Variants in SEC24C observed in about 807,000 individuals in gnomAD.
SEC24C encodes SEC24 homolog C, COPII component, also known as protein transport protein Sec24C.
A neutral mutation model predicts 117.0 loss-of-function variants in SEC24C; 22 were observed. That is an observed-to-expected ratio of 0.19 (90% CI 0.13 to 0.27). The LOEUF (loss-of-function observed/expected upper bound fraction) is 0.27. Ranked by LOEUF, SEC24C falls within the 10% of genes least tolerant of loss-of-function variation. The pLI is 1.00. For synonymous variants in SEC24C, 506 were observed against 529.4 expected (o/e 0.96, Z 0.61); for missense variants, 1,155 against 1,375.1 (o/e 0.84, Z 2.53).
rs1199724190 is a variant in SEC24C at position 73,769,308 on chromosome 10, A to C, written c.2425-39A>C. 4 of 1,609,718 alleles carry C rather than the reference A, an allele frequency of 2.5e-6. No individual in the cohort carries two copies. The highest frequency in any genetic ancestry group is 3.4e-6 in the Non-Finnish European group (4 of 1,177,896). On this transcript the variant is annotated intron_variant, in intron 17 of 22. Coordinates refer to ENST00000345254, the MANE Select transcript of SEC24C (RefSeq NM_198597.3). This position sits in a 1 kb window ranked among gnomAD's most constrained non-coding sequence, Gnocchi z 4.5. ...AATAGTGTAGCAAAGGGCCTTTGTG[A>C]GGGAGGGGTGTGAGTTCCCCCTTTC...
intron 3 of SEC24C, among the ~76,000 whole-genome samples, chr10:73,758,870 T>A (rs2082752128): frequency 6.6e-6 from 1 of 152,066 alleles, no homozygotes; most frequent in African/African-American, 2.4e-5. Context: ...TGTGTGTGTG[T>A]GTGAGATGTT....
intron 2 of SEC24C, 76 bp downstream of exon 2, chr10:73,747,080 A>G (rs1352053733): frequency 2.2e-6 from 3 of 1,357,316 alleles, no homozygotes; most frequent in East Asian, 2.6e-5. Flanking sequence ...GTATTGCTCT[A>G]GCTAAGCTAC....
At position 73,751,239 on chromosome 10, in the gene SEC24C, C is replaced by G. The variant is rs756009610; in HGVS notation, c.304C>G (p.Gln102Glu). Reference protein sequence around the residue: ...QNGPSSTVQMQRLPGSQPFGS... With the variant: ...QNGPSSTVQMERLPGSQPFGS... ...TGGGCCAAGCTCCACTGTTCAGATG[C>G]AAAGGTAGGTACTTGGTCAATCTAA... The change falls in exon 3 of 23, where the codon CAA becomes GAA. Residue 102 changes from glutamine to glutamate, a missense_variant. Around this residue, in one of 2 missense-constraint regions of SEC24C, gnomAD observed 396 missense variants for 382.8 expected, o/e 1.03. Transcript: ENST00000345254. 4.3e-6 allele frequency: 7 copies of G among 1,613,442 alleles called. No homozygotes were observed. The Admixed American group carries it at 8.3e-5, about 19-fold the overall frequency.
At chr10:73,767,768 TAC>T in intron 14 of SEC24C, 67 bp from the exon 15 acceptor site, 3 of 1,242,622 alleles carry the variant, frequency 2.4e-6, no homozygotes, top group South Asian at 3.3e-5. Context: ...ATGCTAGATA[TAC>T]AGTTTTCAAA....
Position 73,768,877 on chromosome 10 carries a change from A to G in SEC24C, c.2249A>G (p.Asp750Gly), listed in dbSNP as rs1170070241. 2 of 1,613,988 alleles carry G rather than the reference A, an allele frequency of 1.2e-6. No individual in the cohort carries two copies. Among genetic ancestry groups the G allele is most frequent in the East Asian group, 2.2e-5 (1 of 44,892 alleles). Residue 750 changes from aspartate to glycine, a missense_variant, in exon 16 of 23, where the codon GAT (aspartate) becomes GGT (glycine). Transcript: ENST00000345254. ...RRDVQKVVGF[D>G]AVMRVRTSTG... ...GATGTCCAGAAGGTTGTTGGCTTTG[A>G]TGCTGTGATGCGGGTCCGGACAAGC...
Position 73,751,112 on chromosome 10 carries a change from G to A in SEC24C, c.177G>A (p.Met59Ile), listed in dbSNP as rs199528020. The change falls in exon 3 of 23, where the codon ATG becomes ATA. Residue 59 changes from methionine to isoleucine, a missense_variant. Around this residue, in one of 2 missense-constraint regions of SEC24C, gnomAD observed 396 missense variants for 382.8 expected, o/e 1.03. Coordinates refer to ENST00000345254, the MANE Select transcript of SEC24C (RefSeq NM_198597.3). ...PGYQQTPPQG[M>I]SRAPPSSGAP... ...GTTTCTGTCCTTTACCCTCAGGTATGTCAAGAGCCCCACCTTCCTCGGGGG... is the reference window on the plus strand; with the variant it reads ...GTTTCTGTCCTTTACCCTCAGGTATATCAAGAGCCCCACCTTCCTCGGGGG... 6.2e-7 allele frequency: 1 copy of A among 1,613,850 alleles called. No individual in the cohort carries two copies. Among genetic ancestry groups the A allele is most frequent in the Admixed American group, 1.7e-5 (1 of 59,972 alleles).
In SEC24C at chr10:73,763,959, G is replaced by A. The variant is rs780892896; in HGVS notation, c.1203G>A (p.Pro401=). The change falls in exon 8 of 23, where the codon CCG becomes CCA. Residue 401 remains proline (P), a synonymous_variant. Coordinates refer to ENST00000345254, the MANE Select transcript of SEC24C (RefSeq NM_198597.3). ...AQVPLAAVIK[P]LARLPPEEAS... is the part of the protein sequence containing the mutation. ...TGCCCCTGGCAGCAGTCATCAAACC[G>A]CTGGCAAGGCTGCCCCCAGAGGAGG... The A allele has an allele frequency of 7.5e-6, 12 of 1,596,782 alleles. No individual in the cohort carries two copies. Among genetic ancestry groups the A allele is most frequent in the East Asian group, 2.2e-5 (1 of 44,448 alleles).
intron 8 of SEC24C, among the ~76,000 whole-genome samples, chr10:73,765,098 G>A (rs561200575): frequency 6.6e-6 from 1 of 152,138 alleles, no homozygotes; most frequent in Non-Finnish European, 1.5e-5. Flanking sequence ...CAAGAGTGAA[G>A]GGCATTAGAG....
rs550067866 is a variant in SEC24C, at chr10:73,744,437, G to A, written c.-29G>A. ...GAAGTCTAACCTGGATCTGGAGCCG[G>A]GTGAGGAGTGGCATCGGGAGGTTGG... On this transcript the variant is annotated splice_region_variant and 5_prime_UTR_variant, in exon 1 of 23. Transcript: ENST00000345254. The A allele has an allele frequency of 3.3e-5, 5 of 153,020 alleles. No homozygotes were observed. Among genetic ancestry groups the A allele is most frequent in the African/African-American group, 1.2e-4 (5 of 41,564 alleles). 9.5% of individuals were successfully genotyped at this position (153,020 alleles called of 1,614,324 possible).
chr10:73,759,016 C>T (rs574474213), intron 3 of SEC24C, among the ~76,000 whole-genome samples: 2 of 152,182 alleles, frequency 1.3e-5, no homozygotes, highest in East Asian at 1.9e-4. Flanking sequence ...GGCAACATGG[C>T]GAGACTCCGT....
intron 3 of SEC24C, among the ~76,000 whole-genome samples, chr10:73,758,234 CAAAAG>C (rs941656158): frequency 3.4e-5 from 5 of 146,296 alleles, no homozygotes; most frequent in African/African-American, 7.6e-5. Flanking sequence ...GACTCTGTCT[CAAAAG>C]AAAAGAAAAG....
chr10:73,744,696 A>G (rs1252901675), intron 1 of SEC24C, among the ~76,000 whole-genome samples: 1 of 152,040 alleles, frequency 6.6e-6, no homozygotes, highest in Admixed American at 6.5e-5. Context: ...TGCTTAACAG[A>G]GCAGCCCCCT....
chr10:73,753,344 G>A (rs1191092947), intron 3 of SEC24C, among the ~76,000 whole-genome samples: 2 of 152,126 alleles, frequency 1.3e-5, no homozygotes, highest in African/African-American at 2.4e-5. Context: ...GAGCCACCAC[G>A]CCCAGCTGAC....
intron 1 of SEC24C, 124 bp from the exon 2 acceptor site, chr10:73,746,681 G>A (rs1423542732): frequency 3.6e-6 from 2 of 557,744 alleles, no homozygotes; most frequent in African/African-American, 3.9e-5. Context: ...TCCTGTGGAA[G>A]TGTGAGGATT....
intron 3 of SEC24C, among the ~76,000 whole-genome samples, chr10:73,754,560 C>A (rs2132534573): frequency 6.6e-6 from 1 of 152,296 alleles, no homozygotes; most frequent in Admixed American, 6.5e-5. Context: ...TCCAGGACCT[C>A]CCCTGACCAA....
At chr10:73,760,985 A>C in intron 6 of SEC24C, 136 bp downstream of exon 6, 3 of 1,063,856 alleles carry the variant, frequency 2.8e-6, no homozygotes, top group Non-Finnish European at 2.7e-6. Context: ...CTTACATATA[A>C]TTTGATTCTG....
chr10:73,763,101 A>G (rs1253598684), intron 6 of SEC24C, among the ~76,000 whole-genome samples: 2 of 151,822 alleles, frequency 1.3e-5, no homozygotes, highest in Non-Finnish European at 2.9e-5. Flanking sequence ...TGTCTTGGGG[A>G]GAGGATCGGG....
intron 1 of SEC24C, among the ~76,000 whole-genome samples, chr10:73,746,174 A>AC (rs2082549029): frequency 6.6e-6 from 1 of 151,768 alleles, no homozygotes; most frequent in East Asian, 1.9e-4. Flanking sequence ...AAAAAAAAAA[A>AC]AAAAAAAACC....
Position 73,768,867 on chromosome 10 carries a change from G to T in SEC24C, c.2239G>T (p.Val747Phe), listed in dbSNP as rs145923733. Residue 747 changes from valine to phenylalanine, a missense_variant, in exon 16 of 23, where the codon GTT (valine) becomes TTT (phenylalanine). Val to Phe is a conservative substitution (Grantham distance 50). Coordinates refer to ENST00000345254, the MANE Select transcript of SEC24C (RefSeq NM_198597.3). ...CCTGCGTCGTGATGTCCAGAAGGTT[G>T]TTGGCTTTGATGCTGTGATGCGGGT... Reference protein sequence around the residue: ...SDLRRDVQKVVGFDAVMRVRT... With the variant: ...SDLRRDVQKVFGFDAVMRVRT... The T allele has an allele frequency of 5.6e-6, 9 of 1,614,066 alleles. No individual in the cohort carries two copies. Among genetic ancestry groups the T allele is most frequent in the Non-Finnish European group, 6.8e-6 (8 of 1,180,058 alleles).
Sources: allele counts gnomAD v4.1 joint callset (sites outside exome capture counted in the v4.1 genomes callset), GRCh38; gene constraint gnomAD v4.1.1; regional missense constraint gnomAD v4.1.1; non-coding constraint Gnocchi (gnomAD v3.1); transcripts MANE v1.5; gene names NCBI Gene and HGNC (gene_info 2026-07-23, HGNC 2026-07-21).